Variants in KIF6 observed in about 807,000 individuals in gnomAD.
The protein encoded by KIF6 is kinesin family member 6.
A neutral mutation model predicts 112.7 loss-of-function variants in KIF6; 106 were observed. That is an observed-to-expected ratio of 0.94 (90% CI 0.80 to 1.11). The LOEUF (loss-of-function observed/expected upper bound fraction) is 1.11, where lower values mean the gene tolerates loss of function less well. Ranked by LOEUF, KIF6 falls within the 50% of genes least tolerant of loss-of-function variation. KIF6 has a pLI of 0.00. For missense variants in KIF6, 929 were observed against 964.0 expected (o/e 0.96, Z 0.48); for synonymous variants, 339 against 339.9 (o/e 1.00, Z 0.03).
chr6:39,439,661 A>G (rs1412898104), intron 13 of KIF6, among the ~76,000 whole-genome samples: 1 of 152,038 alleles, frequency 6.6e-6, no homozygotes, highest in East Asian at 1.9e-4. Flanking sequence ...AGGCATCCAA[A>G]TTCTTGTGCG....
chr6:39,552,755 A>T (rs1399041643), intron 10 of KIF6, among the ~76,000 whole-genome samples: 4 of 142,618 alleles, frequency 2.8e-5, no homozygotes. Flanking sequence ...CTGCCATATT[A>T]AAAAAAAGAG....
At chr6:39,706,302 A>G (rs1789206749) in intron 3 of KIF6, among the ~76,000 whole-genome samples, 1 of 152,186 alleles carries the variant, frequency 6.6e-6, no homozygotes, top group African/African-American at 2.4e-5. Context: ...CTCACTTTTT[A>G]CCTACAGTAA....
intron 13 of KIF6, among the ~76,000 whole-genome samples, chr6:39,456,980 G>A (rs966596681): frequency 6.8e-6 from 1 of 146,572 alleles, no homozygotes; most frequent in African/African-American, 2.6e-5. Flanking sequence ...AAGTCAACAA[G>A]GATACCCAGG....
chr6:39,496,504 C>G (rs1775791848), intron 13 of KIF6, among the ~76,000 whole-genome samples: 1 of 152,074 alleles, frequency 6.6e-6, no homozygotes, highest in Non-Finnish European at 1.5e-5. Context: ...CAGAGTCCAG[C>G]CCCTACACTG....
chr6:39,476,413 C>T (rs188827030), intron 13 of KIF6, among the ~76,000 whole-genome samples: 146 of 152,110 alleles, frequency 9.6e-4, no homozygotes, highest in Admixed American at 2.2e-3. Context: ...GACAATCAAG[C>T]ATGCTTTGCT....
rs571003632 is a variant in KIF6, at chr6:39,465,540, C to A, written c.1646-34379G>T. ...TTGTTCAAACTCTCATCATCTCATGCCTAAACTGCTGCAATACCTTCCTAT... is the reference window on the plus strand; with the variant it reads ...TTGTTCAAACTCTCATCATCTCATGACTAAACTGCTGCAATACCTTCCTAT... On this transcript the variant is annotated intron_variant, in intron 13 of 22. Transcript: ENST00000287152. 5.3e-5 allele frequency among the ~76,000 whole-genome samples: 8 copies of A among 152,292 alleles called. No homozygotes were observed. The South Asian group carries it at 1.5e-3, about 28-fold the overall frequency.
intron 13 of KIF6, among the ~76,000 whole-genome samples, chr6:39,521,196 G>A (rs1777380352): frequency 6.6e-6 from 1 of 152,114 alleles, no homozygotes; most frequent in African/African-American, 2.4e-5. Flanking sequence ...TATGGTCAGA[G>A]GGAAGTAACA....
intron 10 of KIF6, among the ~76,000 whole-genome samples, chr6:39,548,552 T>C (rs577086455): frequency 6.6e-6 from 1 of 152,370 alleles, no homozygotes; most frequent in Admixed American, 6.5e-5. Flanking sequence ...CTTCATACAT[T>C]TGATTTACTG....
rs1404534974 is a variant in KIF6, at chr6:39,725,326, G to A, written c.-16C>T. ...GCTTCACCATCTCCTCCCTGGCTCT[G>A]CAATGACCCTTGACCTCTCTCAGGC... On this transcript the variant is annotated 5_prime_UTR_variant, in exon 1 of 23. Transcript: ENST00000287152. 9 of 1,604,072 alleles carry A rather than the reference G, an allele frequency of 5.6e-6. No individual in the cohort carries two copies. Among genetic ancestry groups the A allele is most frequent in the Non-Finnish European group, 7.7e-6 (9 of 1,175,456 alleles).
chr6:39,580,696 T>G (rs546468311), intron 9 of KIF6, among the ~76,000 whole-genome samples: 1 of 152,184 alleles, frequency 6.6e-6, no homozygotes, highest in Non-Finnish European at 1.5e-5. Context: ...TGATTAGTAT[T>G]TTAGTATAAA....
intron 15 of KIF6, among the ~76,000 whole-genome samples, chr6:39,389,647 C>CA (rs1438799034): frequency 7.9e-5 from 12 of 152,174 alleles, no homozygotes. Context: ...GGCTCTTCCA[C>CA]ACAGCACTCT....
intron 10 of KIF6, among the ~76,000 whole-genome samples, chr6:39,564,530 C>T (rs1780179506): frequency 1.3e-5 from 2 of 152,112 alleles, no homozygotes; most frequent in African/African-American, 4.8e-5. Context: ...GAATGTTTGT[C>T]TTTTTGCCTA....
chr6:39,463,991 G>A (rs1773638887), intron 13 of KIF6, among the ~76,000 whole-genome samples: 1 of 152,080 alleles, frequency 6.6e-6, no homozygotes, highest in Non-Finnish European at 1.5e-5. Flanking sequence ...TCCTTGTTTA[G>A]TAGGTGTACA....
At chr6:39,488,394 CCT>C (rs1303074603) in intron 13 of KIF6, among the ~76,000 whole-genome samples, 1 of 152,192 alleles carries the variant, frequency 6.6e-6, no homozygotes, top group African/African-American at 2.4e-5. Context: ...AGTCTGCTCC[CCT>C]GTCTTGGACT....
chr6:39,443,032 T>C (rs1772026369), intron 13 of KIF6, among the ~76,000 whole-genome samples: 1 of 151,288 alleles, frequency 6.6e-6, no homozygotes, highest in Non-Finnish European at 1.5e-5. Context: ...AAGAATGGCG[T>C]GAACCCGGGA....
chr6:39,354,856 T>C (rs1016699084), intron 19 of KIF6, among the ~76,000 whole-genome samples: 1 of 152,208 alleles, frequency 6.6e-6, no homozygotes, highest in African/African-American at 2.4e-5. Context: ...TGAGCACCTG[T>C]CTTCCATGAA....
chr6:39,688,778 A>G (rs991322622), intron 3 of KIF6, among the ~76,000 whole-genome samples: 3 of 152,240 alleles, frequency 2.0e-5, no homozygotes, highest in Non-Finnish European at 2.9e-5. Flanking sequence ...ACTGTATACA[A>G]TCTGGCTTTT....
At chr6:39,497,427 G>T (rs1458637857) in intron 13 of KIF6, among the ~76,000 whole-genome samples, 1 of 152,124 alleles carries the variant, frequency 6.6e-6, no homozygotes, top group African/African-American at 2.4e-5. Context: ...TGCACCCCTC[G>T]CTTGGGTTCA....
chr6:39,588,599 T>C (rs187358002), intron 7 of KIF6, among the ~76,000 whole-genome samples: 17 of 152,296 alleles, frequency 1.1e-4, no homozygotes. Context: ...GCTACTATCA[T>C]CTTGGCAACT....
Sources: allele counts gnomAD v4.1 joint callset (sites outside exome capture counted in the v4.1 genomes callset), GRCh38; gene constraint gnomAD v4.1.1; transcripts MANE v1.5; gene names NCBI Gene and HGNC (gene_info 2026-07-23, HGNC 2026-07-21).